HTR1F: variants seen among roughly 807,000 people sequenced by gnomAD.
The protein encoded by HTR1F is 5-hydroxytryptamine (serotonin) receptor 1F, G protein-coupled.
HTR1F carries 17 observed loss-of-function variants against 24.0 expected under a neutral mutation model. The ratio of observed to expected loss-of-function variants is 0.71; its 90% CI spans 0.48 to 1.06. The LOEUF is 1.06. HTR1F is among the 50% of genes least tolerant of loss of function. HTR1F has a pLI of 0.00. For synonymous variants in HTR1F, 186 were observed against 156.8 expected, an observed-to-expected ratio of 1.19 and a Z score of -1.39; for missense variants, 391 against 427.8, an observed-to-expected ratio of 0.91 and a Z score of 0.76.
intron 1 of HTR1F, among the ~76,000 whole-genome samples, chr3:87,817,709 G>T (rs1464837868): frequency 6.6e-6 from 1 of 152,134 alleles, no homozygotes; most frequent in Non-Finnish European, 1.5e-5. Context: ...TCTTTTAGAT[G>T]CCTTTACTCC....
At chr3:87,872,941 A>G (rs575803446) in intron 2 of HTR1F, among the ~76,000 whole-genome samples, 14 of 152,184 alleles carry the variant, frequency 9.2e-5, no homozygotes, top group Non-Finnish European at 1.6e-4. Context: ...TTATTTTATG[A>G]GGCAAGGAAT....
intron 1 of HTR1F, among the ~76,000 whole-genome samples, chr3:87,812,145 C>T (rs1392389904): frequency 6.6e-6 from 1 of 152,032 alleles, no homozygotes; most frequent in Non-Finnish European, 1.5e-5. Context: ...TTAATTAGTA[C>T]AAAGAGTGGG....
intron 2 of HTR1F, among the ~76,000 whole-genome samples, chr3:87,834,188 T>C (rs1704637637): frequency 6.6e-6 from 1 of 152,210 alleles, no homozygotes; most frequent in Non-Finnish European, 1.5e-5. Flanking sequence ...CACTATACTA[T>C]ACATGCAATG....
intron 2 of HTR1F, among the ~76,000 whole-genome samples, chr3:87,923,399 T>C (rs1226885673): frequency 3.3e-5 from 5 of 152,016 alleles, no homozygotes; most frequent in Non-Finnish European, 2.9e-5. Context: ...TTTTCCATTT[T>C]GGGGTCTTCA....
intron 2 of HTR1F, among the ~76,000 whole-genome samples, chr3:87,986,530 A>C (rs1015654002): frequency 6.6e-6 from 1 of 152,180 alleles, no homozygotes; most frequent in Admixed American, 6.5e-5. Context: ...AAATGCTACA[A>C]CTTGATGCTT....
chr3:87,967,581 A>T (rs1199056852), intron 2 of HTR1F, among the ~76,000 whole-genome samples: 1 of 25,574 alleles, frequency 3.9e-5, no homozygotes, highest in African/African-American at 6.0e-5. Flanking sequence ...GAGGTAATTG[A>T]ATCATGGGGG....
chr3:87,851,317 G>A (rs2200869), intron 2 of HTR1F, among the ~76,000 whole-genome samples: 55,300 of 151,146 alleles, frequency 0.37, 14,859 homozygotes, highest in African/African-American at 0.76. Flanking sequence ...TATATTATTT[G>A]CACAGACTTT....
In HTR1F at chr3:87,890,541, CTT is replaced by C. The variant is rs79894798; in HGVS notation, c.-43+68433_-43+68434del. Among the ~76,000 whole-genome samples, 528 of 134,508 alleles carry C rather than the reference CTT, an allele frequency of 3.9e-3. 1 individual carries two copies. The highest frequency in any genetic ancestry group is 0.011 in the East Asian group (51 of 4,612). The allele number at this position is 134,508 out of a possible 152,430, so 88.2% of individuals were successfully genotyped here. Reference sequence around the variant, plus strand: ...GAAGGTGAAATTTAGCTCCTGATGCCTTTTTTTTTTTTTTTTTGAGTATGGGC... The same window carrying C: ...GAAGGTGAAATTTAGCTCCTGATGCCTTTTTTTTTTTTTTTGAGTATGGGC... On this transcript the variant is annotated intron_variant, in intron 2 of 2. Transcript: ENST00000319595.
chr3:87,846,110 TA>T (rs199842041), intron 2 of HTR1F, among the ~76,000 whole-genome samples: 4 of 151,508 alleles, frequency 2.6e-5, no homozygotes, highest in Admixed American at 2.6e-4. Flanking sequence ...AACAGATAAT[TA>T]AAAAAACACA....
intron 2 of HTR1F, among the ~76,000 whole-genome samples, chr3:87,942,478 G>A (rs1365496109): frequency 6.6e-6 from 1 of 151,908 alleles, no homozygotes; most frequent in East Asian, 1.9e-4. Context: ...GGCACCCTCA[G>A]TCCTGCTGCT....
intron 2 of HTR1F, among the ~76,000 whole-genome samples, chr3:87,950,776 C>CA (rs2107461011): frequency 6.6e-6 from 1 of 152,222 alleles, no homozygotes; most frequent in East Asian, 1.9e-4. Flanking sequence ...GGTTCGAAGT[C>CA]AGAGTTGTTG....
chr3:87,983,966 T>A (rs973814446), intron 2 of HTR1F, among the ~76,000 whole-genome samples: 1 of 152,170 alleles, frequency 6.6e-6, no homozygotes, highest in Non-Finnish European at 1.5e-5. Context: ...TTCACTTACC[T>A]TCTTAAACAT....
At chr3:87,890,085 A>T (rs1358328172) in intron 2 of HTR1F, among the ~76,000 whole-genome samples, 1 of 152,236 alleles carries the variant, frequency 6.6e-6, no homozygotes, top group African/African-American at 2.4e-5. Flanking sequence ...GTACCCAGGT[A>T]ATATAAGGTA....
chr3:87,975,259 C>T (rs1705369209), intron 2 of HTR1F, among the ~76,000 whole-genome samples: 1 of 151,798 alleles, frequency 6.6e-6, no homozygotes, highest in African/African-American at 2.4e-5. Flanking sequence ...CTTCAAAAAT[C>T]TCCAAAAAGG....
chr3:87,892,759 CT>C (rs906523624), intron 2 of HTR1F, among the ~76,000 whole-genome samples: 23 of 150,318 alleles, frequency 1.5e-4, no homozygotes, highest in Admixed American at 7.3e-4. Flanking sequence ...CCTTTTGGGG[CT>C]TTTTTTTTAA....
intron 1 of HTR1F, among the ~76,000 whole-genome samples, chr3:87,808,633 A>C (rs1704111085): frequency 1.3e-5 from 2 of 150,582 alleles, no homozygotes; most frequent in African/African-American, 2.4e-5. Flanking sequence ...GATCTTTATT[A>C]TTTCTTTCTT....
chr3:87,937,730 T>C lies in HTR1F; in HGVS notation c.-42-52978T>C, dbSNP rs187077917. On this transcript the variant is annotated intron_variant, in intron 2 of 2. Coordinates refer to ENST00000319595, the MANE Select transcript of HTR1F (RefSeq NM_001322209.2). ...CAAGGTCAGGAGATCAAGACCATCC[T>C]GGCTAACACAGTGAAACCCCGTCTC... 1.4e-3 allele frequency among the ~76,000 whole-genome samples: 213 copies of C among 152,198 alleles called. 1 individual carries two copies. The highest frequency in any genetic ancestry group is 6.8e-3 in the South Asian group (33 of 4,826).
At chr3:87,897,896 C>A (rs1182104692) in intron 2 of HTR1F, among the ~76,000 whole-genome samples, 1 of 152,014 alleles carries the variant, frequency 6.6e-6, no homozygotes, top group African/African-American at 2.4e-5. Context: ...TTTATGCAAC[C>A]TGTTTATTAT....
At chr3:87,901,962 C>A (rs955861437) in intron 2 of HTR1F, among the ~76,000 whole-genome samples, 5 of 151,956 alleles carry the variant, frequency 3.3e-5, no homozygotes, top group Non-Finnish European at 5.9e-5. Flanking sequence ...CAGTAATAAA[C>A]CATAGTTAGA....
Sources: gnomAD v4.1 joint callset for allele counts (sites outside exome capture counted in the v4.1 genomes callset) on GRCh38, gnomAD v4.1.1 for gene constraint, MANE v1.5 for transcripts, NCBI Gene and HGNC (gene_info 2026-07-23, HGNC 2026-07-21) for gene names.